The following ADCY2 variants were observed in gnomAD, a reference collection of about 807,000 sequenced individuals.
The protein encoded by ADCY2 is adenylate cyclase type 2.
In ADCY2, 31 loss-of-function variants were observed where a neutral mutation model predicts 125.2. That is an observed-to-expected ratio of 0.25 (90% confidence interval 0.19 to 0.33). The LOEUF (loss-of-function observed/expected upper bound fraction) is 0.33, where lower values mean the gene tolerates loss of function less well. Among genes scored for constraint, ADCY2 ranks in the 10% least tolerant of loss-of-function variants. The probability of loss-of-function intolerance (pLI) is 1.00; values close to 1 mark genes in which losing one functional copy is unlikely to be tolerated. For synonymous variants in ADCY2, 512 were observed against 548.4 expected, an observed-to-expected ratio of 0.93 and a Z score of 0.93; for missense variants, 904 against 1,418.2, an observed-to-expected ratio of 0.64 and a Z score of 5.82.
At chr5:7,457,440 T>C (rs2126431709) in intron 2 of ADCY2, among the ~76,000 whole-genome samples, 1 of 152,196 alleles carries the variant, frequency 6.6e-6, no homozygotes, top group South Asian at 2.1e-4. Flanking sequence ...CTGCAGCAGG[T>C]GGCTCCAGGC....
chr5:7,482,044 A>G lies in ADCY2; in HGVS notation c.409-38694A>G, dbSNP rs115426607. ...AAGTCATGATTTACGGTGAATTATT[A>G]TAGCTCTAAGTCTGTCACTATGTGT... is the stretch of plus-strand genomic sequence containing the variant. On this transcript the variant is annotated intron_variant, in intron 2 of 24. Transcript: ENST00000338316. 4.1e-3 allele frequency among the ~76,000 whole-genome samples: 621 copies of G among 152,326 alleles called. 2 individuals are homozygous for G. Among genetic ancestry groups the G allele is most frequent in the African/African-American group, 0.014 (581 of 41,564 alleles).
chr5:7,398,002 C>T (rs149613883), intron 1 of ADCY2, among the ~76,000 whole-genome samples: 1 of 152,282 alleles, frequency 6.6e-6, no homozygotes, highest in East Asian at 1.9e-4. Context: ...TGCTCAGTCT[C>T]ATGGGCAAGC....
intron 3 of ADCY2, among the ~76,000 whole-genome samples, chr5:7,544,764 T>A (rs1470785596): frequency 6.6e-6 from 1 of 151,816 alleles, no homozygotes; most frequent in Non-Finnish European, 1.5e-5. Context: ...GTGAGTAAAA[T>A]AAAGGAAAAG....
chr5:7,758,332 G>A (rs1743084536), intron 16 of ADCY2, among the ~76,000 whole-genome samples: 1 of 152,100 alleles, frequency 6.6e-6, no homozygotes. Flanking sequence ...TGGCTCATCA[G>A]GGTGCTTTGA....
chr5:7,427,221 A>G (rs748670147), intron 2 of ADCY2, among the ~76,000 whole-genome samples: 2 of 152,164 alleles, frequency 1.3e-5, no homozygotes, highest in Non-Finnish European at 2.9e-5. Flanking sequence ...CTGTCCTCAC[A>G]TGCCAGTTTC....
intron 13 of ADCY2, 29 bp downstream of exon 13, chr5:7,724,643 A>C (rs1455810352): frequency 2.0e-6 from 3 of 1,477,506 alleles, no homozygotes; most frequent in Non-Finnish European, 2.8e-6. Flanking sequence ...CAAAATCATC[A>C]ATCGAGTTTT....
chr5:7,543,789 G>A lies in ADCY2; in HGVS notation c.570+22890G>A, dbSNP rs562233193. 5.3e-5 allele frequency among the ~76,000 whole-genome samples: 8 copies of A among 152,000 alleles called. No homozygotes were observed. The South Asian group carries it at 1.5e-3, about 28-fold the overall frequency. On this transcript the variant is annotated intron_variant, in intron 3 of 24. Coordinates refer to ENST00000338316, the MANE Select transcript of ADCY2 (RefSeq NM_020546.3). ...AGCACTTTGGGAGGCCGAGGTGGGC[G>A]GATCACAAGGTCAGGAGATTGAGAC...
intron 2 of ADCY2, among the ~76,000 whole-genome samples, chr5:7,502,981 G>A (rs1483664995): frequency 2.0e-5 from 3 of 152,106 alleles, no homozygotes; most frequent in South Asian, 4.2e-4. Context: ...CACTCCCTGC[G>A]GATAATCTGC....
Position 7,588,178 on chromosome 5 carries a change from G to T in ADCY2, c.571-37989G>T, listed in dbSNP as rs550283329. Reference sequence around the variant, plus strand: ...GTTATAAAAATATCATAAAAGAAAGGATTCTATCAGAAATATTTTTAAAAT... The same window carrying T: ...GTTATAAAAATATCATAAAAGAAAGTATTCTATCAGAAATATTTTTAAAAT... On this transcript the variant is annotated intron_variant, in intron 3 of 24. Transcript: ENST00000338316. 1.4e-4 allele frequency among the ~76,000 whole-genome samples: 22 copies of T among 152,162 alleles called. No individual in the cohort carries two copies. The South Asian group carries it at 4.6e-3, about 32-fold the overall frequency.
intron 2 of ADCY2, among the ~76,000 whole-genome samples, chr5:7,493,324 A>G (rs561799408): frequency 6.9e-4 from 105 of 152,220 alleles, no homozygotes; most frequent in Admixed American, 2.3e-3. Flanking sequence ...CAGCTCTTCT[A>G]TGAATGGAGT....
At chr5:7,463,614 T>C (rs956658047) in intron 2 of ADCY2, among the ~76,000 whole-genome samples, 1 of 79,200 alleles carries the variant, frequency 1.3e-5, no homozygotes, top group Admixed American at 1.6e-4. Flanking sequence ...CACAAGGTGA[T>C]AGATAAAAAA....
At chr5:7,645,961 G>A (rs1738881149) in intron 4 of ADCY2, among the ~76,000 whole-genome samples, 1 of 152,164 alleles carries the variant, frequency 6.6e-6, no homozygotes, top group African/African-American at 2.4e-5. Context: ...ATTTATATGC[G>A]AAGTCAAACT....
At chr5:7,567,692 C>A (rs1735945113) in intron 3 of ADCY2, among the ~76,000 whole-genome samples, 1 of 152,080 alleles carries the variant, frequency 6.6e-6, no homozygotes, top group African/African-American at 2.4e-5. Flanking sequence ...TGATGTTTCC[C>A]AATTCCTGTT....
At chr5:7,430,208 T>C (rs1021916003) in intron 2 of ADCY2, among the ~76,000 whole-genome samples, 66 of 152,158 alleles carry the variant, frequency 4.3e-4, no homozygotes, top group African/African-American at 1.6e-3. Flanking sequence ...TTTGAATAGG[T>C]AGCTAAATAT....
chr5:7,820,547 A>C lies in ADCY2; in HGVS notation c.2999-18A>C. 2 of 1,613,340 alleles carry C rather than the reference A, an allele frequency of 1.2e-6. No individual in the cohort carries two copies. The highest frequency in any genetic ancestry group is 1.7e-6 in the Non-Finnish European group (2 of 1,179,510). ...GTTATAAGATGAATCTTGCTAACTC[A>C]ACTCTGATGTGGCACAGGTATTAAC... On this transcript the variant is annotated intron_variant, in intron 23 of 24. Coordinates refer to ENST00000338316, the MANE Select transcript of ADCY2 (RefSeq NM_020546.3).
intron 18 of ADCY2, among the ~76,000 whole-genome samples, chr5:7,778,003 C>T (rs1743795453): frequency 6.6e-6 from 1 of 152,156 alleles, no homozygotes. Context: ...TCAGATGTTT[C>T]CTATTCTTTG....
intron 4 of ADCY2, among the ~76,000 whole-genome samples, chr5:7,683,698 C>T (rs752009959): frequency 4.6e-5 from 7 of 152,124 alleles, no homozygotes; most frequent in African/African-American, 1.4e-4. Flanking sequence ...CATTTCAGAA[C>T]GATAGTCCAG....
chr5:7,531,510 T>G (rs61141857), intron 3 of ADCY2, among the ~76,000 whole-genome samples: 11,325 of 152,234 alleles, frequency 0.074, 458 homozygotes, highest in East Asian at 0.19. Flanking sequence ...TTCTGACATT[T>G]ATTATCTCAC....
At chr5:7,804,205 T>G (rs1744690353) in intron 21 of ADCY2, among the ~76,000 whole-genome samples, 1 of 152,194 alleles carries the variant, frequency 6.6e-6, no homozygotes. Context: ...CATAAATCAT[T>G]CTGACCATGC....
Sources: gnomAD v4.1 joint callset for allele counts (sites outside exome capture counted in the v4.1 genomes callset) on GRCh38, gnomAD v4.1.1 for gene constraint, MANE v1.5 for transcripts, NCBI Gene and HGNC (gene_info 2026-07-23, HGNC 2026-07-21) for gene names.